Variants in USH2A observed in about 807,000 individuals in gnomAD.
USH2A encodes usherin.
In USH2A, 443 loss-of-function variants were observed where a neutral mutation model predicts 538.9. The observed-to-expected ratio is 0.82, with a 90% CI of 0.76 to 0.89. The LOEUF (loss-of-function observed/expected upper bound fraction) is 0.89. USH2A is among the 40% of genes least tolerant of loss of function. The probability of loss-of-function intolerance (pLI) is 0.00; values close to 1 mark genes in which losing one functional copy is unlikely to be tolerated. For missense variants in USH2A, 6,633 were observed against 6,324.8 expected, an observed-to-expected ratio of 1.05 and a Z score of -1.65; for synonymous variants, 2,413 against 2,273.5, an observed-to-expected ratio of 1.06 and a Z score of -1.75.
At chr1:215,722,213 C>T (rs1322848180) in intron 61 of USH2A, among the ~76,000 whole-genome samples, 1 of 152,052 alleles carries the variant, frequency 6.6e-6, no homozygotes, top group African/African-American at 2.4e-5. Context: ...ATAGAACCGA[C>T]CCAGGAAATA....
chr1:215,981,075 T>C (rs986454051), intron 35 of USH2A, among the ~76,000 whole-genome samples: 3 of 152,174 alleles, frequency 2.0e-5, no homozygotes, highest in South Asian at 2.1e-4. Flanking sequence ...CTCATTGTTC[T>C]ATATCCTCAA....
At chr1:216,033,376 G>T (rs1359812541) in intron 32 of USH2A, among the ~76,000 whole-genome samples, 2 of 152,154 alleles carry the variant, frequency 1.3e-5, no homozygotes, top group Non-Finnish European at 2.9e-5. Flanking sequence ...ACTCAAGGAA[G>T]ACAATGATTC....
intron 13 of USH2A, among the ~76,000 whole-genome samples, chr1:216,235,991 G>C (rs1460757493): frequency 6.6e-6 from 1 of 152,070 alleles, no homozygotes; most frequent in Non-Finnish European, 1.5e-5. Context: ...CTATATTTCA[G>C]TATAGTTGAT....
chr1:216,206,343 TC>T (rs1449662114), intron 16 of USH2A, among the ~76,000 whole-genome samples: 1 of 152,176 alleles, frequency 6.6e-6, no homozygotes, highest in African/African-American at 2.4e-5. Flanking sequence ...AAACAGTTTT[TC>T]CATGGACCCA....
chr1:215,781,902 G>T, intron 54 of USH2A, 140 bp downstream of exon 54: 1 of 1,068,996 alleles, frequency 9.4e-7, no homozygotes, highest in Non-Finnish European at 1.4e-6. Context: ...CTCAGTTAAC[G>T]TGACACATGA....
At chr1:215,856,244 T>C (rs374216263) in intron 44 of USH2A, among the ~76,000 whole-genome samples, 60 of 152,226 alleles carry the variant, frequency 3.9e-4, no homozygotes, top group African/African-American at 1.2e-3. Context: ...GCAGAGTAAA[T>C]AGACAACCCA....
chr1:216,359,738 T>A (rs1215282196), intron 4 of USH2A, among the ~76,000 whole-genome samples: 1 of 152,106 alleles, frequency 6.6e-6, no homozygotes, highest in African/African-American at 2.4e-5. Context: ...GTGCAAATGA[T>A]AGGATTGTGT....
chr1:215,699,746 CT>C (rs1658945305), intron 61 of USH2A, among the ~76,000 whole-genome samples: 1 of 152,220 alleles, frequency 6.6e-6, no homozygotes. Flanking sequence ...ATCATGTCAT[CT>C]GCAAACAGAG....
At position 215,628,975 on chromosome 1, in the gene USH2A, T is replaced by C. The variant is rs768245825; in HGVS notation, c.15358A>G (p.Ser5120Gly). Residue 5120 changes from serine (S) to glycine (G), a missense_variant, in exon 71 of 72, where the codon AGT (serine) becomes GGT (glycine). Physicochemically the swap from Ser to Gly is moderately conservative, Grantham distance 56 (BLOSUM62 0). Coordinates refer to ENST00000307340, the MANE Select transcript of USH2A (RefSeq NM_206933.4). ...CTCGGGATGCGCAGGACACATGCAC[T>C]CCGGTTGCTGCGGATACTCACAGGT... is the stretch of plus-strand genomic sequence containing the variant. ...GTPVSIRSNR[S>G]ACVLRIPSQN... is the part of the protein sequence containing the mutation. 1.2e-6 allele frequency: 2 copies of C among 1,614,004 alleles called. No individual in the cohort carries two copies. The highest frequency in any genetic ancestry group is 1.7e-5 in the Admixed American group (1 of 60,020).
Position 215,790,154 on chromosome 1 carries a change from G to A in USH2A, c.10087C>T (p.Leu3363Phe), listed in dbSNP as rs201136627. 24 of 1,613,842 alleles carry A rather than the reference G, an allele frequency of 1.5e-5. No individual in the cohort carries two copies. The highest frequency in any genetic ancestry group is 2.5e-6 in the Non-Finnish European group (3 of 1,179,988). ...CAGCATTTCTGGCTCTTTGGAATAA[G>A]TTCAGTCTCACAGCATTTTACTGGC... ...PVPVKCCETE[L>F]IPKSQKCCNG... is the part of the protein sequence containing the mutation. Residue 3363 changes from leucine to phenylalanine, a missense_variant, in exon 51 of 72, where the codon CTT becomes TTT. By Grantham distance (22) the Leu-to-Phe change is conservative. Coordinates refer to ENST00000307340, the MANE Select transcript of USH2A (RefSeq NM_206933.4).
In USH2A at chr1:216,418,496, A is replaced by T. The variant is rs1346352519; in HGVS notation, c.651+18T>A. On this transcript the variant is annotated intron_variant, in intron 3 of 71. Coordinates refer to ENST00000307340, the MANE Select transcript of USH2A (RefSeq NM_206933.4). The stretch of plus-strand genomic sequence containing the variant: ...CCTTGTGTTTAACCAAATGTTAAAT[A>T]TTTTTTATTTTACTCACCTGCACAC... 6.2e-7 allele frequency: 1 copy of T among 1,611,622 alleles called. No homozygotes were observed. Among genetic ancestry groups the T allele is most frequent in the Admixed American group, 1.7e-5 (1 of 59,868 alleles).
chr1:216,351,361 G>T (rs1304343523), intron 4 of USH2A, among the ~76,000 whole-genome samples: 2 of 152,166 alleles, frequency 1.3e-5, no homozygotes, highest in Non-Finnish European at 2.9e-5. Flanking sequence ...ACCTAATCAG[G>T]TAAGGGAGTC....
chr1:215,890,858 C>T (rs545251614), intron 40 of USH2A, among the ~76,000 whole-genome samples: 61 of 152,208 alleles, frequency 4.0e-4, no homozygotes, highest in African/African-American at 1.3e-3. Context: ...GATTGGGTTT[C>T]GTAAAATCAA....
chr1:216,402,926 A>T (rs569928600), intron 3 of USH2A, among the ~76,000 whole-genome samples: 3 of 152,288 alleles, frequency 2.0e-5, no homozygotes, highest in East Asian at 3.9e-4. Context: ...TAAATTACAC[A>T]TTAAATTACA....
At chr1:215,880,081 T>TAAAAAA (rs1664868849) in intron 41 of USH2A, among the ~76,000 whole-genome samples, 1 of 152,208 alleles carries the variant, frequency 6.6e-6, no homozygotes, top group Non-Finnish European at 1.5e-5. Flanking sequence ...AGTCATGTTT[T>TAAAAAA]GTTAGATTAT....
chr1:216,232,532 C>G lies in USH2A; in HGVS notation c.2810-396G>C, dbSNP rs146597063. ...TAGGAAGCCAGTTACATTTGAATTT[C>G]TAACAAATAATGAAATTTTTTAGCA... On this transcript the variant is annotated intron_variant, in intron 13 of 71. Transcript: ENST00000307340. Among the ~76,000 whole-genome samples, 16 of 152,302 alleles carry G rather than the reference C, an allele frequency of 1.1e-4. No individual in the cohort carries two copies. In the East Asian group the frequency reaches 3.1e-3, roughly 29 times the overall value.
intron 21 of USH2A, among the ~76,000 whole-genome samples, chr1:216,133,269 C>T (rs2033414037): frequency 6.6e-6 from 1 of 151,950 alleles, no homozygotes; most frequent in African/African-American, 2.4e-5. Flanking sequence ...TGTTTTTAGG[C>T]CTCTGTTCCA....
chr1:215,694,667 G>A (rs1658743344), intron 61 of USH2A, among the ~76,000 whole-genome samples: 1 of 152,148 alleles, frequency 6.6e-6, no homozygotes. Flanking sequence ...TTTACTCACA[G>A]GTCCACCTTT....
At chr1:216,272,015 T>A (rs1230095321) in intron 11 of USH2A, among the ~76,000 whole-genome samples, 1 of 152,166 alleles carries the variant, frequency 6.6e-6, no homozygotes, top group Non-Finnish European at 1.5e-5. Flanking sequence ...TAGGTAGCCC[T>A]CACAAAATGA....
Sources: gnomAD v4.1 joint callset for allele counts (sites outside exome capture counted in the v4.1 genomes callset) on GRCh38, gnomAD v4.1.1 for gene constraint, MANE v1.5 for transcripts, NCBI Gene and HGNC (gene_info 2026-07-23, HGNC 2026-07-21) for gene names.